Variants in CASKIN2 observed in about 807,000 individuals in gnomAD.
CASKIN2 encodes the protein CASK interacting protein 2.
Under a neutral mutation model 107.1 loss-of-function variants are expected in CASKIN2, and 41 were observed. The observed-to-expected ratio is 0.38, with a 90% CI of 0.30 to 0.50. The LOEUF (loss-of-function observed/expected upper bound fraction) is 0.50. Among genes scored for constraint, CASKIN2 ranks in the 20% least tolerant of loss-of-function variants. The probability of loss-of-function intolerance (pLI) is 0.92; values close to 1 mark genes in which losing one functional copy is unlikely to be tolerated. For synonymous variants in CASKIN2, 724 were observed against 705.6 expected (o/e 1.03, Z -0.41); for missense variants, 1,546 against 1,657.4 (o/e 0.93, Z 1.17).
In CASKIN2 at chr17:75,504,559, C is replaced by T; in HGVS notation, c.1314+13G>A. ...AGTGAGCCCTGACCTGGTCCGTGAC[C>T]CCATCATCCTACCTGGGCGTTCTCA... is the stretch of plus-strand genomic sequence containing the variant. On this transcript the variant is annotated intron_variant, in intron 12 of 19. Transcript: ENST00000321617. The T allele has an allele frequency of 6.3e-7, 1 of 1,594,252 alleles. No individual in the cohort carries two copies. Among genetic ancestry groups the T allele is most frequent in the Non-Finnish European group, 8.6e-7 (1 of 1,165,910 alleles).
intron 2 of CASKIN2, among the ~76,000 whole-genome samples, chr17:75,508,877 G>A (rs530857531): frequency 1.3e-5 from 2 of 152,262 alleles, no homozygotes; most frequent in Non-Finnish European, 2.9e-5. Flanking sequence ...CACGGGGGCT[G>A]TGAGTACAGT....
Position 75,501,706 on chromosome 17 carries a change from G to T in CASKIN2, c.3296-16C>A. On this transcript the variant is annotated splice_polypyrimidine_tract_variant and intron_variant, in intron 18 of 19. Coordinates refer to ENST00000321617, the MANE Select transcript of CASKIN2 (RefSeq NM_020753.5). ...GGGGCTGTTCCTGCAGAGACAAAAA[G>T]GTTGGCTTGGGACTTGGCTGGGTCA... 1 of 1,545,220 alleles carries T rather than the reference G, an allele frequency of 6.5e-7. No individual in the cohort carries two copies. Among genetic ancestry groups the T allele is most frequent in the Non-Finnish European group, 8.7e-7 (1 of 1,145,210 alleles).
intron 2 of CASKIN2, among the ~76,000 whole-genome samples, chr17:75,511,036 G>A (rs1438908714): frequency 4.0e-5 from 6 of 149,314 alleles, no homozygotes; most frequent in African/African-American, 1.5e-4. Flanking sequence ...GCAACATAGC[G>A]AGACCCCATC....
intron 1 of CASKIN2, chr17:75,515,194 A>C (rs1598472007): frequency 7.3e-6 from 1 of 137,542 alleles, no homozygotes; most frequent in Non-Finnish European, 1.6e-5. Flanking sequence ...AGCCCAGCCC[A>C]GCCCAGCCCA....
At position 75,502,237 on chromosome 17, in the gene CASKIN2, G is replaced by A. The variant is rs1298986484; in HGVS notation, c.2837C>T (p.Ser946Phe). The change falls in exon 18 of 20, where the codon TCT becomes TTT. Residue 946 changes from serine (S) to phenylalanine (F), a missense_variant. By Grantham distance (155) the Ser-to-Phe change is radical. Coordinates refer to ENST00000321617, the MANE Select transcript of CASKIN2 (RefSeq NM_020753.5). This position sits in a 1 kb window ranked among gnomAD's most constrained non-coding sequence, Gnocchi z 4.3. ...PEGTPPSRGS[S>F]GEGLPFAEEG... ...CTCTGCAAACGGCAGCCCTTCCCCA[G>A]AGCTGCCCCGAGATGGGGGCGTCCC... The A allele has an allele frequency of 3.2e-6, 5 of 1,570,438 alleles. No homozygotes were observed. The highest frequency in any genetic ancestry group is 4.3e-6 in the Non-Finnish European group (5 of 1,163,500).
rs779926820 is a variant in CASKIN2 at position 75,501,603 on chromosome 17, A to T, written c.3383T>A (p.Val1128Glu). The T allele has an allele frequency of 5.6e-6, 9 of 1,606,380 alleles. No homozygotes were observed. The highest frequency in any genetic ancestry group is 6.0e-6 in the Non-Finnish European group (7 of 1,175,826). The part of the protein sequence containing the change: ...KLAPRLGPRP[V>E]PPPRPESTGT... ...AGTGCTCTCAGGCCGTGGAGGAGGC[A>T]CTGGGCGGGGGCCGAGCCGGGGCGC... Residue 1128 changes from valine (V) to glutamate (E), a missense_variant, in exon 19 of 20, where the codon GTG becomes GAG. By Grantham distance (121) the Val-to-Glu change is moderately radical. This residue lies in a region of CASKIN2 where 1,311 missense variants were observed against 1,311.0 expected (regional missense o/e 1.00). Coordinates refer to ENST00000321617, the MANE Select transcript of CASKIN2 (RefSeq NM_020753.5).
chr17:75,507,718 G>A, intron 3 of CASKIN2, 37 bp from the exon 4 acceptor site: 1 of 1,503,018 alleles, frequency 6.7e-7, no homozygotes. Flanking sequence ...GGTGTTGGTG[G>A]GCAGCCCCCA....
Position 75,513,996 on chromosome 17 carries a change from T to C in CASKIN2, c.-192A>G. 2 of 593,146 alleles carry C rather than the reference T, an allele frequency of 3.4e-6. No homozygotes were observed. The highest frequency in any genetic ancestry group is 4.1e-5 in the South Asian group (2 of 49,012). The allele number at this position is 593,146 out of a possible 1,614,324, so 36.7% of individuals were successfully genotyped here. On this transcript the variant is annotated 5_prime_UTR_variant, in exon 2 of 20. Coordinates refer to ENST00000321617, the MANE Select transcript of CASKIN2 (RefSeq NM_020753.5). ...ATACTCCCAAAGGTGCTCCGTGAACTGCCACCACACGAAGGAAAGCTAATC... is the reference window on the plus strand; with the variant it reads ...ATACTCCCAAAGGTGCTCCGTGAACCGCCACCACACGAAGGAAAGCTAATC...
chr17:75,504,274 G>A lies in CASKIN2; in HGVS notation c.1408C>T (p.Arg470Cys), dbSNP rs36060947. 448 of 1,607,358 alleles carry A rather than the reference G, an allele frequency of 2.8e-4. No homozygotes were observed. Among genetic ancestry groups the A allele is most frequent in the Non-Finnish European group, 3.4e-4 (405 of 1,177,456 alleles). Residue 470 changes from arginine to cysteine, a missense_variant, in exon 14 of 20, where the codon CGC becomes TGC. By Grantham distance (180) the Arg-to-Cys change is radical. Coordinates refer to ENST00000321617, the MANE Select transcript of CASKIN2 (RefSeq NM_020753.5). ...TGGGTGAAGATCTGCTCCCCAGAGC[G>A]GCAGTTGGCCAGAGGGCGGTGGCTC... ...NLSHRPLANC[R>C]SGEQIFTQDV...
intron 2 of CASKIN2, among the ~76,000 whole-genome samples, chr17:75,509,044 G>A (rs1049649494): frequency 6.6e-6 from 1 of 152,252 alleles, no homozygotes; most frequent in Non-Finnish European, 1.5e-5. Flanking sequence ...TGCTCAGACT[G>A]CCCGGGGAGT....
rs1276915839 is a variant in CASKIN2, at chr17:75,502,307, C to A, written c.2767G>T (p.Ala923Ser). 6.7e-7 allele frequency: 1 copy of A among 1,492,154 alleles called. No homozygotes were observed. Among genetic ancestry groups the A allele is most frequent in the Non-Finnish European group, 8.9e-7 (1 of 1,124,218 alleles). The allele number at this position is 1,492,154 out of a possible 1,614,324, so 92.4% of individuals were successfully genotyped here. ...PSEPPGPPAPAGPASDTEEEE... is the reference protein window; with the variant it reads ...PSEPPGPPAPSGPASDTEEEE... ...TCCTCCGTGTCTGACGCGGGCCCAG[C>A]CGGGGCAGGTGGGCCAGGGGGCTCT... is the stretch of plus-strand genomic sequence containing the variant. Residue 923 changes from alanine to serine, a missense_variant, in exon 18 of 20, where the codon GCT becomes TCT. Coordinates refer to ENST00000321617, the MANE Select transcript of CASKIN2 (RefSeq NM_020753.5). This position sits in a 1 kb window ranked among gnomAD's most constrained non-coding sequence, Gnocchi z 4.3.
chr17:75,507,073 G>A lies in CASKIN2; in HGVS notation c.301C>T (p.Leu101=), dbSNP rs765641999. The A allele has an allele frequency of 3.1e-5, 50 of 1,611,768 alleles. No homozygotes were observed. The highest frequency in any genetic ancestry group is 4.2e-5 in the Non-Finnish European group (49 of 1,179,654). ...WQGRLEPVRL[L]LRASAAVNAA... ...TTGACAGCCGCAGAGGCGCGCAGCA[G>A]CAGCCTCACAGGCTCCAGCCGGCCC... The change falls in exon 5 of 20, where the codon CTG becomes TTG. Residue 101 remains leucine, a synonymous_variant. Transcript: ENST00000321617.
chr17:75,506,389 C>T lies in CASKIN2; in HGVS notation c.642G>A (p.Glu214=), dbSNP rs767461992. 2 of 1,610,968 alleles carry T rather than the reference C, an allele frequency of 1.2e-6. No homozygotes were observed. Among genetic ancestry groups the T allele is most frequent in the Non-Finnish European group, 1.7e-6 (2 of 1,179,930 alleles). The part of the protein sequence containing the change: ...VIRQLLRAGI[E]INRQTKTGTA... ...TACCCGTCTTGGTCTGGCGGTTGAT[C>T]TCGATCCCAGCTCTCAGGAGCTGCC... Residue 214 remains glutamate, a synonymous_variant, in exon 8 of 20, where the codon GAG becomes GAA. Transcript: ENST00000321617. This position sits in a 1 kb window ranked among gnomAD's most constrained non-coding sequence, Gnocchi z 4.8.
chr17:75,507,222 G>A, intron 4 of CASKIN2, 93 bp from the exon 5 acceptor site: 1 of 1,409,286 alleles, frequency 7.1e-7, no homozygotes, highest in East Asian at 2.5e-5. Flanking sequence ...CCAGCTGGGA[G>A]GGCAGAGAGC....
rs540458060 is a variant in CASKIN2 at position 75,506,113 on chromosome 17, G to A, written c.727-184C>T. Among the ~76,000 whole-genome samples the A allele has an allele frequency of 3.9e-5, 6 of 152,320 alleles. No individual in the cohort carries two copies. The East Asian group carries it at 1.2e-3, about 29-fold the overall frequency. On this transcript the variant is annotated intron_variant, in intron 8 of 19. Transcript: ENST00000321617. The surrounding 1 kb of genome is among the most constrained non-coding windows in gnomAD (Gnocchi z 4.8). Reference sequence around the variant, plus strand: ...TCAGCTAGTAAGAGGCAGATCTGGGGTGCCAATCAGGTTGGTCTGCCCCCG... The same window carrying A: ...TCAGCTAGTAAGAGGCAGATCTGGGATGCCAATCAGGTTGGTCTGCCCCCG...
In CASKIN2 at chr17:75,502,988, G is replaced by C; in HGVS notation, c.2086C>G (p.Pro696Ala). The C allele has an allele frequency of 1.9e-6, 3 of 1,605,884 alleles. No homozygotes were observed. Among genetic ancestry groups the C allele is most frequent in the Non-Finnish European group, 2.5e-6 (3 of 1,177,152 alleles). Reference sequence around the variant, plus strand: ...CGTGCCCCGATGCTCTCCTGGCTGGGAGAGCGGGCAGGTGGGAGGGGGAGT... The same window carrying C: ...CGTGCCCCGATGCTCTCCTGGCTGGCAGAGCGGGCAGGTGGGAGGGGGAGT... Reference protein sequence around the residue: ...EPLPLPPARSPSQESIGARSR... With the variant: ...EPLPLPPARSASQESIGARSR... The change falls in exon 18 of 20, where the codon CCC (proline) becomes GCC (alanine). Residue 696 changes from proline to alanine, a missense_variant. Pro to Ala is a conservative substitution (Grantham distance 27). Transcript: ENST00000321617. The surrounding 1 kb of genome is among the most constrained non-coding windows in gnomAD (Gnocchi z 4.3).
chr17:75,515,205 G>C (rs2053347744), intron 1 of CASKIN2, 196 bp downstream of exon 1: 1 of 151,540 alleles, frequency 6.6e-6, no homozygotes, highest in African/African-American at 2.4e-5. Flanking sequence ...GCCCAGCCCA[G>C]GCCCACCGGG....
Position 75,513,671 on chromosome 17 carries a change from G to C in CASKIN2, c.94+40C>G, listed in dbSNP as rs774257342. The C allele has an allele frequency of 1.1e-5, 16 of 1,414,384 alleles. No homozygotes were observed. In the South Asian group the frequency reaches 1.4e-4, roughly 12 times the overall value. The allele number at this position is 1,414,384 out of a possible 1,614,324, so 87.6% of individuals were successfully genotyped here. Reference sequence around the variant, plus strand: ...CCCACCAAGCCTCTGTGAACTGAGCGCTCGGCCTCAGCGGGATGCTCGTCC... The same window carrying C: ...CCCACCAAGCCTCTGTGAACTGAGCCCTCGGCCTCAGCGGGATGCTCGTCC... On this transcript the variant is annotated intron_variant, in intron 2 of 19. Coordinates refer to ENST00000321617, the MANE Select transcript of CASKIN2 (RefSeq NM_020753.5).
In CASKIN2 at chr17:75,514,137, C is replaced by T. The variant is rs2053337099; in HGVS notation, c.-333G>A. The T allele has an allele frequency of 1.9e-6, 1 of 528,198 alleles. No homozygotes were observed. The highest frequency in any genetic ancestry group is 3.4e-5 in the Admixed American group (1 of 29,424). 32.7% of individuals were successfully genotyped at this position (528,198 alleles called of 1,614,324 possible). On this transcript the variant is annotated 5_prime_UTR_variant, in exon 2 of 20. In the 5' UTR this introduces an upstream ATG that the reference lacks. Transcript: ENST00000321617. Reference sequence around the variant, plus strand: ...ATCTTCCCGGCTTGGCTGTGGAACACCAGTGCCCACCCAGAGAGCAGCCAG... The same window carrying T: ...ATCTTCCCGGCTTGGCTGTGGAACATCAGTGCCCACCCAGAGAGCAGCCAG...
Sources: gnomAD v4.1 joint callset for allele counts (sites outside exome capture counted in the v4.1 genomes callset) on GRCh38, gnomAD v4.1.1 for gene constraint, gnomAD v4.1.1 regional missense constraint, Gnocchi (gnomAD v3.1) non-coding constraint, MANE v1.5 for transcripts, NCBI Gene and HGNC (gene_info 2026-07-23, HGNC 2026-07-21) for gene names.